The following ADGRG5 variants were observed in gnomAD, a reference collection of about 807,000 sequenced individuals.
The protein encoded by ADGRG5 is G protein-coupled receptor 114.
ADGRG5 carries 37 observed loss-of-function variants against 53.2 expected under a neutral mutation model. The observed-to-expected ratio is 0.70, with a 90% confidence interval of 0.53 to 0.91. The LOEUF is 0.91. ADGRG5 is among the 40% of genes least tolerant of loss of function. ADGRG5 has a pLI of 0.00. For missense variants in ADGRG5, 614 were observed against 675.8 expected (o/e 0.91, Z 1.01); for synonymous variants, 277 against 290.4 (o/e 0.95, Z 0.47).
At chr16:57,571,712 A>G (rs775921100) in intron 10 of ADGRG5, among the ~76,000 whole-genome samples, 87 of 147,108 alleles carry the variant, frequency 5.9e-4, no homozygotes, top group African/African-American at 2.1e-3. Context: ...CTGGAGTGCA[A>G]TGGTGTGATC....
chr16:57,570,539 A>G lies in ADGRG5; in HGVS notation c.1208+4A>G, dbSNP rs1356733774. The G allele has an allele frequency of 6.2e-7, 1 of 1,605,386 alleles. No homozygotes were observed. The highest frequency in any genetic ancestry group is 1.1e-5 in the South Asian group (1 of 90,922). The stretch of plus-strand genomic sequence containing the variant: ...CAGGCTTCCAGAACATGTCCATGTG[A>G]GTGCCCTCAGGGCTGCAGTGGGCTC... On this transcript the variant is annotated splice_donor_region_variant and intron_variant, in intron 10 of 11. Coordinates refer to ENST00000349457, the MANE Select transcript of ADGRG5 (RefSeq NM_001304376.3).
At chr16:57,554,113 A>G (rs2032819129) in intron 1 of ADGRG5, among the ~76,000 whole-genome samples, 2 of 151,726 alleles carry the variant, frequency 1.3e-5, no homozygotes, top group African/African-American at 4.8e-5. Flanking sequence ...ATTTCAAGGA[A>G]TTTTTTTTCA....
chr16:57,564,392 C>T (rs904750962), intron 5 of ADGRG5, among the ~76,000 whole-genome samples: 3 of 151,804 alleles, frequency 2.0e-5, no homozygotes, highest in Admixed American at 2.0e-4. Flanking sequence ...TCACTGCAAC[C>T]TCTGCCTCCT....
In ADGRG5 at chr16:57,563,275, G is replaced by A. The variant is rs2033049645; in HGVS notation, c.297+28G>A. On this transcript the variant is annotated intron_variant, in intron 4 of 11. Transcript: ENST00000349457. ...CAGAGGCTGCGGGTTGGGGGGTGTGGCCAGCTGCCCCGCCCTAGAAGTCCT... is the reference window on the plus strand; with the variant it reads ...CAGAGGCTGCGGGTTGGGGGGTGTGACCAGCTGCCCCGCCCTAGAAGTCCT... 4.4e-6 allele frequency: 7 copies of A among 1,606,768 alleles called. No individual in the cohort carries two copies. The East Asian group carries it at 1.6e-4, about 36-fold the overall frequency.
chr16:57,574,553 T>A lies in ADGRG5; in HGVS notation c.1209-262T>A, dbSNP rs953113970. On this transcript the variant is annotated intron_variant, in intron 10 of 11. Transcript: ENST00000349457. This position sits in a 1 kb window ranked among gnomAD's most constrained non-coding sequence, Gnocchi z 4.4. ...GAGAGAGGAAGAATTTTCAGGGGGG[T>A]GAAGACATGGGGACGTGAGAGAAAC... Among the ~76,000 whole-genome samples the A allele has an allele frequency of 1.3e-5, 2 of 151,616 alleles. No individual in the cohort carries two copies. The highest frequency in any genetic ancestry group is 4.9e-5 in the African/African-American group (2 of 41,236).
At chr16:57,571,484 T>C (rs778700842) in intron 10 of ADGRG5, among the ~76,000 whole-genome samples, 1 of 152,034 alleles carries the variant, frequency 6.6e-6, no homozygotes, top group Non-Finnish European at 1.5e-5. Flanking sequence ...CCCTCTCACA[T>C]TGAGGCTCGG....
chr16:57,543,655 G>C (rs1200964467), intron 1 of ADGRG5, among the ~76,000 whole-genome samples: 1 of 152,160 alleles, frequency 6.6e-6, no homozygotes, highest in African/African-American at 2.4e-5. Context: ...GCTCCAGACT[G>C]TGGTTGGCAG....
At chr16:57,572,213 C>A (rs2033382637) in intron 10 of ADGRG5, among the ~76,000 whole-genome samples, 1 of 151,940 alleles carries the variant, frequency 6.6e-6, no homozygotes, top group South Asian at 2.1e-4. Flanking sequence ...TGGTGGCTCA[C>A]GCCTGTAATC....
At chr16:57,557,218 G>A (rs1423384390) in intron 1 of ADGRG5, among the ~76,000 whole-genome samples, 10 of 152,046 alleles carry the variant, frequency 6.6e-5, no homozygotes, top group Admixed American at 2.6e-4. Flanking sequence ...CCTTGTCTTC[G>A]TTTTTGAAAG....
intron 5 of ADGRG5, 25 bp downstream of exon 5, chr16:57,564,004 G>A (rs375561538): frequency 7.2e-5 from 116 of 1,602,834 alleles, no homozygotes; most frequent in Non-Finnish European, 9.6e-5. Context: ...GGGCCAAGGA[G>A]GGTGGGTGCC....
intron 3 of ADGRG5, 61 bp downstream of exon 3, chr16:57,562,520 C>G (rs2033029279): frequency 9.3e-7 from 1 of 1,080,744 alleles, no homozygotes; most frequent in African/African-American, 1.6e-5. Flanking sequence ...CAGGGTTAGT[C>G]TAATGTAGAC....
intron 1 of ADGRG5, among the ~76,000 whole-genome samples, chr16:57,554,637 A>T (rs1334846988): frequency 6.6e-6 from 1 of 152,150 alleles, no homozygotes. Flanking sequence ...TGGCCTCCCA[A>T]AGTGCTGGGA....
chr16:57,546,210 A>G (rs1254535685), intron 1 of ADGRG5, among the ~76,000 whole-genome samples: 2 of 152,142 alleles, frequency 1.3e-5, no homozygotes. Flanking sequence ...TGCAGCCTCA[A>G]ACTCCTGGGC....
chr16:57,529,169 G>A, the ADGRG5 span: 1 of 1,182,572 alleles, frequency 8.5e-7, no homozygotes, highest in Non-Finnish European at 1.0e-6. The surrounding 1 kb of genome is among the most constrained non-coding windows in gnomAD (Gnocchi z 4.1). Flanking sequence ...GGCTGGGCCC[G>A]TGGCTCATGG....
intron 1 of ADGRG5, among the ~76,000 whole-genome samples, chr16:57,553,068 A>G (rs1393461842): frequency 1.3e-5 from 2 of 152,194 alleles, no homozygotes; most frequent in Admixed American, 6.5e-5. Flanking sequence ...AACAATTACA[A>G]TAGTAACATC....
At position 57,570,294 on chromosome 16, in the gene ADGRG5, A is replaced by G. The variant is rs530005919; in HGVS notation, c.1091-124A>G. 81 of 613,118 alleles carry G rather than the reference A, an allele frequency of 1.3e-4. 2 individuals are homozygous for G. In the South Asian group the frequency reaches 1.6e-3, roughly 12 times the overall value. The allele number at this position is 613,118 out of a possible 1,614,324, so 38.0% of individuals were successfully genotyped here. On this transcript the variant is annotated intron_variant, in intron 9 of 11. Coordinates refer to ENST00000349457, the MANE Select transcript of ADGRG5 (RefSeq NM_001304376.3). ...CTCATTGCTCTGAAGTTGGGGGCTCACAACAGTCTCCTCTCAGTTGTCCCT... is the reference window on the plus strand; with the variant it reads ...CTCATTGCTCTGAAGTTGGGGGCTCGCAACAGTCTCCTCTCAGTTGTCCCT...
chr16:57,565,588 A>C, intron 6 of ADGRG5: 1 of 223,558 alleles, frequency 4.5e-6, no homozygotes, highest in Non-Finnish European at 8.7e-6. Context: ...TCTTCCCCCG[A>C]CTCCCCACCC....
At chr16:57,531,886 G>A in the ADGRG5 span, among the ~76,000 whole-genome samples, 1 of 152,218 alleles carries the variant, frequency 6.6e-6, no homozygotes, top group African/African-American at 2.4e-5. Flanking sequence ...CCAGGCATTG[G>A]AGGTCTACAC....
intron 1 of ADGRG5, among the ~76,000 whole-genome samples, chr16:57,550,165 CAG>C (rs1343691855): frequency 6.6e-6 from 1 of 152,116 alleles, no homozygotes; most frequent in East Asian, 1.9e-4. Flanking sequence ...TTAGTAGAGA[CAG>C]GGGTTTCACC....
Sources: gnomAD v4.1 joint callset for allele counts (sites outside exome capture counted in the v4.1 genomes callset) on GRCh38, gnomAD v4.1.1 for gene constraint, Gnocchi (gnomAD v3.1) non-coding constraint, MANE v1.5 for transcripts, NCBI Gene and HGNC (gene_info 2026-07-23, HGNC 2026-07-21) for gene names.